Variants in EPM2A observed in about 807,000 individuals in gnomAD.
EPM2A encodes the protein EPM2A glucan phosphatase, laforin.
Under a neutral mutation model 26.5 loss-of-function variants are expected in EPM2A, and 21 were observed. The observed-to-expected ratio is 0.79, with a 90% CI of 0.56 to 1.14. The LOEUF (loss-of-function observed/expected upper bound fraction) is 1.14. Ranked by LOEUF, EPM2A falls within the 50% of genes most tolerant of loss-of-function variation. EPM2A has a pLI of 0.00. For synonymous variants in EPM2A, 217 were observed against 177.6 expected, an observed-to-expected ratio of 1.22 and a Z score of -1.76; for missense variants, 458 against 440.8, an observed-to-expected ratio of 1.04 and a Z score of -0.35.
intron 2 of EPM2A, among the ~76,000 whole-genome samples, chr6:145,600,536 CT>C (rs1256185436): frequency 2.0e-5 from 3 of 152,184 alleles, no homozygotes; most frequent in Non-Finnish European, 2.9e-5. Context: ...TTGTAGGTTA[CT>C]GGCAATGGTA....
chr6:145,398,849 G>A (rs1330938263), intron 4 of EPM2A, among the ~76,000 whole-genome samples: 1 of 126,864 alleles, frequency 7.9e-6, no homozygotes, highest in Non-Finnish European at 1.6e-5. Flanking sequence ...GACAGAGTGA[G>A]ACTCTGTCTC....
intron 4 of EPM2A, chr6:145,491,677 G>T: frequency 2.4e-6 from 1 of 417,876 alleles, no homozygotes; most frequent in South Asian, 1.9e-5. Flanking sequence ...TCCCAGACTT[G>T]AGTGTGGGAC....
chr6:145,709,472 C>T (rs186713808), intron 1 of EPM2A, among the ~76,000 whole-genome samples: 85 of 152,278 alleles, frequency 5.6e-4, no homozygotes, highest in African/African-American at 1.9e-3. Context: ...CTCCTGCACA[C>T]ACTCTCTGGC....
chr6:145,734,769 GGCCGGGCAGCCAA>G (rs1776726629), intron 1 of EPM2A: 1 of 153,018 alleles, frequency 6.5e-6, no homozygotes, highest in Non-Finnish European at 1.5e-5. Flanking sequence ...AGCGGCGCGC[GGCCGGGCAGCCAA>G]GGGACCCGCG....
Position 145,735,364 on chromosome 6 carries a change from G to A in EPM2A, c.135C>T (p.Thr45=), listed in dbSNP as rs1294222004. ...GGGCCAGGGCCCCGTCGCCCGCCGCGGTGCCGGCCGGCCTCAGGCGGACGG... is the reference window on the plus strand; with the variant it reads ...GGGCCAGGGCCCCGTCGCCCGCCGCAGTGCCGGCCGGCCTCAGGCGGACGG... ...RGAVRLRPAG[T]AAGDGALALQ... The change falls in exon 1 of 4, where the codon ACC becomes ACT. Residue 45 remains threonine, a synonymous_variant. Coordinates refer to ENST00000367519, the MANE Select transcript of EPM2A (RefSeq NM_005670.4). The A allele has an allele frequency of 1.6e-6, 2 of 1,265,464 alleles. No individual in the cohort carries two copies. The highest frequency in any genetic ancestry group is 2.0e-6 in the Non-Finnish European group (2 of 1,009,944). The allele number at this position is 1,265,464 out of a possible 1,614,324, so 78.4% of individuals were successfully genotyped here. A position where few individuals can be genotyped will look rare whatever the true frequency, so the allele number is the denominator to read the frequency against.
chr6:145,615,562 G>T (rs777288728), intron 2 of EPM2A, among the ~76,000 whole-genome samples: 1 of 152,024 alleles, frequency 6.6e-6, no homozygotes, highest in Non-Finnish European at 1.5e-5. Context: ...TTTGGATCTG[G>T]GTAACAGGCA....
intron 2 of EPM2A, among the ~76,000 whole-genome samples, chr6:145,551,402 G>A (rs1780653867): frequency 6.6e-6 from 1 of 151,950 alleles, no homozygotes; most frequent in Admixed American, 6.6e-5. Flanking sequence ...TAGTACACAG[G>A]AAGCAGTAGA....
At position 145,572,024 on chromosome 6, in the gene EPM2A, G is replaced by A. The variant is rs144917163; in HGVS notation, c.340+63221C>T. On this transcript the variant is annotated intron_variant, in intron 2 of 3. Transcript: ENST00000450221. ...TTTTCAATCATGCTTCTTCCAAGTC[G>A]CTGACCATCCAGCCAAACCATTGGC... 2.5e-3 allele frequency among the ~76,000 whole-genome samples: 377 copies of A among 152,196 alleles called. 4 individuals are homozygous for A. Among genetic ancestry groups the A allele is most frequent in the African/African-American group, 8.5e-3 (353 of 41,524 alleles).
chr6:145,419,183 C>T (rs951774938), intron 4 of EPM2A, among the ~76,000 whole-genome samples: 2 of 146,666 alleles, frequency 1.4e-5, no homozygotes, highest in Non-Finnish European at 3.0e-5. Context: ...TTAAATGTCC[C>T]CCCCCCCCGC....
At chr6:145,419,152 C>A (rs898535057) in intron 4 of EPM2A, among the ~76,000 whole-genome samples, 1 of 150,406 alleles carries the variant, frequency 6.6e-6, no homozygotes, top group Non-Finnish European at 1.5e-5. Context: ...CTATAAACAC[C>A]CATTGCCCAA....
intron 2 of EPM2A, among the ~76,000 whole-genome samples, chr6:145,657,372 A>G (rs1400471232): frequency 6.6e-6 from 1 of 152,164 alleles, no homozygotes. Flanking sequence ...TACAGGCACG[A>G]GCCACTGCAC....
intron 2 of EPM2A, among the ~76,000 whole-genome samples, chr6:145,646,842 C>T (rs1777509530): frequency 6.6e-6 from 1 of 152,080 alleles, no homozygotes; most frequent in Admixed American, 6.6e-5. Context: ...TTGCTCCCCA[C>T]CTACAAACGT....
chr6:145,559,911 A>C (rs1780781824), intron 2 of EPM2A, among the ~76,000 whole-genome samples: 1 of 152,146 alleles, frequency 6.6e-6, no homozygotes, highest in Non-Finnish European at 1.5e-5. Context: ...TAATCTAAGT[A>C]GTTATGAAAT....
Position 145,493,955 on chromosome 6 carries a change from G to A in EPM2A, c.555+8567C>T, listed in dbSNP as rs143448420. 7.1e-3 allele frequency among the ~76,000 whole-genome samples: 1,087 copies of A among 152,152 alleles called. 48 individuals are homozygous for A. Among genetic ancestry groups the A allele is most frequent in the Admixed American group, 0.062 (955 of 15,296 alleles). On this transcript the variant is annotated intron_variant, in intron 4 of 4. Transcript: ENST00000638717. ...TTGTCCTGAGGTTTTCTTTTTTGTT[G>A]TATTTCTGCCATGTTTTGGTATCAA...
intron 4 of EPM2A, among the ~76,000 whole-genome samples, chr6:145,486,965 T>G (rs1222910246): frequency 6.6e-6 from 1 of 151,980 alleles, no homozygotes; most frequent in Non-Finnish European, 1.5e-5. Flanking sequence ...CTAGTATCCA[T>G]TAGTTGCTTT....
intron 3 of EPM2A, among the ~76,000 whole-genome samples, chr6:145,632,611 G>C (rs762530353): frequency 6.6e-6 from 1 of 152,200 alleles, no homozygotes; most frequent in African/African-American, 2.4e-5. Flanking sequence ...TCACACGATT[G>C]ATTATAACAG....
At chr6:145,477,547 C>T (rs1038029487) in intron 4 of EPM2A, among the ~76,000 whole-genome samples, 1 of 151,810 alleles carries the variant, frequency 6.6e-6, no homozygotes, top group Admixed American at 6.6e-5. Context: ...TACTAGCAAT[C>T]CAAATTCAGT....
At chr6:145,666,769 CA>C (rs908230097) in intron 2 of EPM2A, among the ~76,000 whole-genome samples, 6 of 150,396 alleles carry the variant, frequency 4.0e-5, no homozygotes, top group African/African-American at 1.5e-4. Flanking sequence ...AACTATACTA[CA>C]AGGCTACAGT....
intron 2 of EPM2A, among the ~76,000 whole-genome samples, chr6:145,528,315 A>C (rs1780307088): frequency 6.6e-6 from 1 of 152,188 alleles, no homozygotes. Flanking sequence ...CATATTGGGA[A>C]AAGAAGCCAT....
Sources: gnomAD v4.1 joint callset for allele counts (sites outside exome capture counted in the v4.1 genomes callset) on GRCh38, gnomAD v4.1.1 for gene constraint, MANE v1.5 for transcripts, NCBI Gene and HGNC (gene_info 2026-07-23, HGNC 2026-07-21) for gene names.